Variants in SCN9A observed in about 807,000 individuals in gnomAD.
SCN9A encodes the protein sodium channel protein type 9 subunit alpha.
Under a neutral mutation model 187.0 loss-of-function variants are expected in SCN9A, and 131 were observed. That is an observed-to-expected ratio of 0.70 (90% CI 0.61 to 0.81). The LOEUF (loss-of-function observed/expected upper bound fraction) is 0.81. Ranked by LOEUF, SCN9A falls within the 30% of genes least tolerant of loss-of-function variation. The pLI is 0.00. For missense variants in SCN9A, 2,252 were observed against 2,396.6 expected (o/e 0.94, Z 1.26); for synonymous variants, 809 against 808.6 (o/e 1.00, Z -0.01).
intron 6 of SCN9A, 106 bp from the exon 7 acceptor site, chr2:166,303,408 T>C: frequency 1.2e-6 from 1 of 844,716 alleles, no homozygotes; most frequent in Non-Finnish European, 1.8e-6. Flanking sequence ...ATCAATGACC[T>C]TAAGTAACCT....
Position 166,286,723 on chromosome 2 carries a change from C to T in SCN9A, c.1315-100G>A, listed in dbSNP as rs111512940. The T allele has an allele frequency of 1.8e-4, 143 of 811,072 alleles. 1 individual carries two copies. In the African/African-American group the frequency reaches 1.9e-3, roughly 11 times the overall value. The allele number at this position is 811,072 out of a possible 1,614,324, so 50.2% of individuals were successfully genotyped here. A position where few individuals can be genotyped will look rare whatever the true frequency, so the allele number is the denominator to read the frequency against. ...CACCTATTAGCATAACAACATGGTG[C>T]ATATAATCATGTCCTTTAAACATGA... is the stretch of plus-strand genomic sequence containing the variant. On this transcript the variant is annotated intron_variant, in intron 10 of 26. Coordinates refer to ENST00000642356, the MANE Select transcript of SCN9A (RefSeq NM_001365536.1).
Position 166,198,883 on chromosome 2 carries a change from T to C in SCN9A, c.5756A>G (p.Asp1919Gly), listed in dbSNP as rs3750904. ...GAGTAAATCATCATCTCTGTCTCCA[T>C]CTTTTATGTATATACTTGATATATT... Reference protein sequence around the residue: ...VKNISSIYIKDGDRDDDLLNK... With the variant: ...VKNISSIYIKGGDRDDDLLNK... The change falls in exon 27 of 27, where the codon GAT becomes GGT. Residue 1919 changes from aspartate (D) to glycine (G), a missense_variant. Asp to Gly is a moderately conservative substitution (Grantham distance 94, BLOSUM62 -1). This residue lies in a region of SCN9A where 345 missense variants were observed against 344.6 expected (regional missense o/e 1.00). Coordinates refer to ENST00000642356, the MANE Select transcript of SCN9A (RefSeq NM_001365536.1). 30,061 of 1,613,720 alleles carry C rather than the reference T, an allele frequency of 0.019. 3,560 individuals carry two copies. The Admixed American group carries it at 0.29, about 16-fold the overall frequency.
At chr2:166,344,138 A>G (rs1207273288) in intron 1 of SCN9A, among the ~76,000 whole-genome samples, 1 of 152,188 alleles carries the variant, frequency 6.6e-6, no homozygotes, top group East Asian at 1.9e-4. Flanking sequence ...ACTAAACTAA[A>G]CTAGCACAGA....
chr2:166,334,615 T>G (rs1391432928), intron 1 of SCN9A, among the ~76,000 whole-genome samples: 1 of 152,148 alleles, frequency 6.6e-6, no homozygotes, highest in Non-Finnish European at 1.5e-5. Context: ...AAAATTATTA[T>G]ACGAGTAAAG....
At chr2:166,229,250 A>G (rs771696045) in intron 21 of SCN9A, among the ~76,000 whole-genome samples, 3 of 152,178 alleles carry the variant, frequency 2.0e-5, no homozygotes, top group African/African-American at 4.8e-5. Flanking sequence ...AGACAAAATA[A>G]CTAAGATAAT....
At chr2:166,257,099 G>A (rs773717818) in intron 17 of SCN9A, among the ~76,000 whole-genome samples, 1 of 151,562 alleles carries the variant, frequency 6.6e-6, no homozygotes, top group Non-Finnish European at 1.5e-5. Flanking sequence ...ATATTCAAGG[G>A]CTCTCTCTGT....
intron 24 of SCN9A, among the ~76,000 whole-genome samples, chr2:166,206,956 G>T (rs576053988): frequency 6.6e-6 from 1 of 152,096 alleles, no homozygotes; most frequent in East Asian, 1.9e-4. Flanking sequence ...TTACATAAAA[G>T]AAAATATAAC....
chr2:166,322,877 G>A (rs1574925553), intron 1 of SCN9A, among the ~76,000 whole-genome samples: 1 of 152,176 alleles, frequency 6.6e-6, no homozygotes, highest in South Asian at 2.1e-4. Context: ...TCCCAGTTAA[G>A]CAACTTTTCT....
At chr2:166,287,432 A>C (rs1697820005) in intron 10 of SCN9A, among the ~76,000 whole-genome samples, 1 of 152,150 alleles carries the variant, frequency 6.6e-6, no homozygotes, top group Admixed American at 6.6e-5. Flanking sequence ...TAATACTTTA[A>C]GATATACAAT....
chr2:166,242,742 T>A (rs1226205928), intron 18 of SCN9A, 86 bp from the exon 19 acceptor site: 8 of 990,124 alleles, frequency 8.1e-6, no homozygotes, highest in Non-Finnish European at 1.2e-5. Flanking sequence ...CTGCTTTCTG[T>A]GATACTCCCT....
At position 166,199,354 on chromosome 2, in the gene SCN9A, T is replaced by G. The variant is rs755222805; in HGVS notation, c.5285A>C (p.Asn1762Thr). 6.2e-7 allele frequency: 1 copy of G among 1,614,174 alleles called. No individual in the cohort carries two copies. The highest frequency in any genetic ancestry group is 2.2e-5 in the East Asian group (1 of 44,882). The change falls in exon 27 of 27, where the codon AAT (asparagine) becomes ACT (threonine). Residue 1762 changes from asparagine (N) to threonine (T), a missense_variant. By Grantham distance (65) the Asn-to-Thr change is moderately conservative (BLOSUM62 0). Transcript: ENST00000642356. ...ACTTTCTTCAGTGGCAACACTAAAA[T>G]TCTCCAGTATGACTGCAATGTACAT... is the stretch of plus-strand genomic sequence containing the variant. Reference protein sequence around the residue: ...VNMYIAVILENFSVATEESTE... With the variant: ...VNMYIAVILETFSVATEESTE...
chr2:166,219,679 A>G (rs1405814817), intron 24 of SCN9A, among the ~76,000 whole-genome samples: 1 of 152,162 alleles, frequency 6.6e-6, no homozygotes, highest in Non-Finnish European at 1.5e-5. Flanking sequence ...TGACATGTTT[A>G]CCTATGTAAC....
intron 1 of SCN9A, among the ~76,000 whole-genome samples, chr2:166,317,973 C>T (rs2105239373): frequency 6.6e-6 from 1 of 152,266 alleles, no homozygotes; most frequent in Non-Finnish European, 1.5e-5. Flanking sequence ...AGAGAAGTCA[C>T]AGATTTCTAT....
At chr2:166,256,351 T>C (rs564768022) in intron 17 of SCN9A, among the ~76,000 whole-genome samples, 3 of 151,366 alleles carry the variant, frequency 2.0e-5, no homozygotes, top group Non-Finnish European at 4.4e-5. Context: ...TTTTTTTTGA[T>C]ATGAAATTTC....
At chr2:166,214,972 A>C (rs1404142200) in intron 24 of SCN9A, among the ~76,000 whole-genome samples, 2 of 152,178 alleles carry the variant, frequency 1.3e-5, no homozygotes, top group Admixed American at 6.5e-5. Context: ...TTTATAGAAC[A>C]GTTCATCCAA....
At chr2:166,365,368 C>G (rs1220970499) in intron 1 of SCN9A, among the ~76,000 whole-genome samples, 1 of 152,110 alleles carries the variant, frequency 6.6e-6, no homozygotes, top group Non-Finnish European at 1.5e-5. Context: ...ACTTCTCAAA[C>G]ATTTTTTTCT....
At chr2:166,200,281 G>A (rs1223039262) in intron 26 of SCN9A, among the ~76,000 whole-genome samples, 1 of 151,724 alleles carries the variant, frequency 6.6e-6, no homozygotes, top group Non-Finnish European at 1.5e-5. Context: ...ACAGGCGTGA[G>A]CCACCGTGCC....
intron 17 of SCN9A, among the ~76,000 whole-genome samples, chr2:166,271,549 A>G (rs1696985182): frequency 6.6e-6 from 1 of 152,100 alleles, no homozygotes; most frequent in Admixed American, 6.6e-5. Context: ...CTTTGTGCAC[A>G]GTACATAATT....
chr2:166,203,757 G>T (rs918472090), intron 26 of SCN9A, among the ~76,000 whole-genome samples, 198 bp downstream of exon 26: 2 of 151,782 alleles, frequency 1.3e-5, no homozygotes, highest in African/African-American at 4.8e-5. Context: ...TTGGCTTTGG[G>T]GCCTGTAGTG....
Sources: gnomAD v4.1 joint callset for allele counts (sites outside exome capture counted in the v4.1 genomes callset) on GRCh38, gnomAD v4.1.1 for gene constraint, gnomAD v4.1.1 regional missense constraint, MANE v1.5 for transcripts, NCBI Gene and HGNC (gene_info 2026-07-23, HGNC 2026-07-21) for gene names.